The following ZNF587 variants were observed in gnomAD, a reference collection of about 807,000 sequenced individuals.
ZNF587 encodes the protein zinc finger protein zfp6.
In ZNF587, 8 loss-of-function variants were observed where a neutral mutation model predicts 7.5. The ratio of observed to expected loss-of-function variants is 1.06; its 90% CI spans 0.62 to 1.92. The LOEUF is 1.92. Among genes scored for constraint, ZNF587 ranks in the 40% most tolerant of loss-of-function variants. The pLI is 0.00. For missense variants in ZNF587, 468 were observed against 692.8 expected, an observed-to-expected ratio of 0.68 and a Z score of 3.64; for synonymous variants, 145 against 237.8, an observed-to-expected ratio of 0.61 and a Z score of 3.59.
chr19:57,850,705 A>G, intron 1 of ZNF587: 1 of 396,936 alleles, frequency 2.5e-6, no homozygotes, highest in Non-Finnish European at 4.4e-6. Context: ...TGGCCAGAGC[A>G]TTGGAGGCTT....
Position 57,862,972 on chromosome 19 carries a change from T to G in ZNF587, c.*2832T>G, listed in dbSNP as rs1188256166. On this transcript the variant is annotated 3_prime_UTR_variant, in exon 3 of 3. Transcript: ENST00000339656. The stretch of plus-strand genomic sequence containing the variant: ...ATTGAGTGGACACTTTGTGTTTTTT[T>G]TGAGAAGTCTCACTCTTTCACCCAG... The G allele has an allele frequency of 1.9e-5, 3 of 154,396 alleles. No individual in the cohort carries two copies. Among genetic ancestry groups the G allele is most frequent in the Admixed American group, 1.3e-4 (2 of 15,284 alleles). 9.6% of individuals were successfully genotyped at this position (154,396 alleles called of 1,614,324 possible).
At position 57,862,471 on chromosome 19, in the gene ZNF587, A is replaced by G. The variant is rs1252531155; in HGVS notation, c.*2331A>G. On this transcript the variant is annotated 3_prime_UTR_variant, in exon 3 of 3. Transcript: ENST00000339656. ...GTAACGTCATTCATCCACATTAACTAATTTCCTCACTCCAAGCTCTTTTCT... is the reference window on the plus strand; with the variant it reads ...GTAACGTCATTCATCCACATTAACTGATTTCCTCACTCCAAGCTCTTTTCT... 1.3e-5 allele frequency: 2 copies of G among 153,112 alleles called. No homozygotes were observed. Among genetic ancestry groups the G allele is most frequent in the Non-Finnish European group, 2.9e-5 (2 of 68,140 alleles). The allele number at this position is 153,112 out of a possible 1,614,324, so 9.5% of individuals were successfully genotyped here.
At chr19:57,857,703 C>T (rs1188129571) in intron 2 of ZNF587, among the ~76,000 whole-genome samples, 4 of 151,846 alleles carry the variant, frequency 2.6e-5, no homozygotes, top group East Asian at 1.9e-4. Context: ...GGTATGATCT[C>T]GGCTCAGTGT....
intron 1 of ZNF587, chr19:57,851,222 T>C (rs2071276748): frequency 6.6e-6 from 1 of 152,194 alleles, no homozygotes; most frequent in East Asian, 1.9e-4. Context: ...GTTCAGACTC[T>C]TGGAGCCAGA....
intron 1 of ZNF587, 178 bp from the exon 2 acceptor site, chr19:57,855,926 T>C: frequency 9.1e-7 from 1 of 1,095,518 alleles, no homozygotes; most frequent in East Asian, 2.5e-5. Flanking sequence ...ACCTACTTCT[T>C]GTTGCTGATG....
intron 1 of ZNF587, chr19:57,850,411 G>T: frequency 1.7e-6 from 1 of 572,400 alleles, no homozygotes; most frequent in Non-Finnish European, 3.1e-6. Context: ...GGCTTGGGAA[G>T]TGGGGAGTGC....
intron 1 of ZNF587, chr19:57,850,390 T>G (rs1462965082): frequency 2.9e-5 from 17 of 576,980 alleles, no homozygotes; most frequent in Non-Finnish European, 5.2e-5. Flanking sequence ...TTTCAAAATT[T>G]GGCGGGTAGG....
chr19:57,850,302 C>T (rs1464398317), intron 1 of ZNF587: 12 of 674,672 alleles, frequency 1.8e-5, no homozygotes, highest in Non-Finnish European at 2.0e-5. Context: ...TAGTAATTCA[C>T]GCAGAGCCGT....
At chr19:57,855,055 G>A (rs1320178002) in intron 1 of ZNF587, among the ~76,000 whole-genome samples, 7 of 151,888 alleles carry the variant, frequency 4.6e-5, no homozygotes, top group Non-Finnish European at 8.8e-5. Context: ...GTGGTGGTGG[G>A]CACCTGTAGT....
At position 57,863,151 on chromosome 19, in the gene ZNF587, C is replaced by G. The variant is rs897934056; in HGVS notation, c.*3011C>G. The stretch of plus-strand genomic sequence containing the variant: ...TTGTTTCTTGAGACAGAGTCTTGCT[C>G]TCTTGCCCAGGTTGGAGTGCCGTGT... On this transcript the variant is annotated 3_prime_UTR_variant, in exon 3 of 3. Transcript: ENST00000339656. The G allele has an allele frequency of 4.6e-5, 7 of 152,304 alleles. No homozygotes were observed. Among genetic ancestry groups the G allele is most frequent in the South Asian group, 2.1e-4 (1 of 4,832 alleles). The allele number at this position is 152,304 out of a possible 1,614,324, so 9.4% of individuals were successfully genotyped here. A position where few individuals can be genotyped will look rare whatever the true frequency, so the allele number is the denominator to read the frequency against.
At position 57,864,257 on chromosome 19, in the gene ZNF587, C is replaced by G. The variant is rs1250082863; in HGVS notation, c.*4117C>G. ...CAAGTGATTCTCTTGCCTCAGCCTC[C>G]CGAGTAGCTGGGCCTATAGGTTCCC... is the stretch of plus-strand genomic sequence containing the variant. On this transcript the variant is annotated 3_prime_UTR_variant, in exon 3 of 3. Coordinates refer to ENST00000339656, the MANE Select transcript of ZNF587 (RefSeq NM_032828.4). The G allele has an allele frequency of 6.6e-6, 1 of 150,710 alleles. No homozygotes were observed. Among genetic ancestry groups the G allele is most frequent in the Non-Finnish European group, 1.5e-5 (1 of 67,974 alleles). 9.3% of individuals were successfully genotyped at this position (150,710 alleles called of 1,614,324 possible). A position where few individuals can be genotyped will look rare whatever the true frequency, so the allele number is the denominator to read the frequency against.
At chr19:57,852,094 G>A (rs10425570) in intron 1 of ZNF587, 6 of 361,006 alleles carry the variant, frequency 1.7e-5, no homozygotes, top group South Asian at 1.5e-4. Context: ...TGGTCCTGAC[G>A]CCATCTACAG....
chr19:57,856,030 T>C, intron 1 of ZNF587, 74 bp from the exon 2 acceptor site: 2 of 1,585,572 alleles, frequency 1.3e-6, no homozygotes, highest in South Asian at 2.3e-5. Flanking sequence ...TGGGCAAGGG[T>C]GGGTGTGTGG....
intron 2 of ZNF587, 82 bp from the exon 3 acceptor site, chr19:57,858,494 A>G: frequency 6.6e-7 from 1 of 1,526,256 alleles, no homozygotes; most frequent in Non-Finnish European, 8.8e-7. Context: ...TTAATTCCTC[A>G]ATTTGTGAGA....
Position 57,860,821 on chromosome 19 carries a change from T to A in ZNF587, c.*681T>A, listed in dbSNP as rs757801322. On this transcript the variant is annotated 3_prime_UTR_variant, in exon 3 of 3. Coordinates refer to ENST00000339656, the MANE Select transcript of ZNF587 (RefSeq NM_032828.4). Reference sequence around the variant, plus strand: ...ATGTAGGTATGTTTCACTATGGTAATATGGTGGTGTGCAGTGCCTGAGTCA... The same window carrying A: ...ATGTAGGTATGTTTCACTATGGTAAAATGGTGGTGTGCAGTGCCTGAGTCA... 1.3e-5 allele frequency: 2 copies of A among 152,844 alleles called. No individual in the cohort carries two copies. Among genetic ancestry groups the A allele is most frequent in the Non-Finnish European group, 2.9e-5 (2 of 68,536 alleles). 9.5% of individuals were successfully genotyped at this position (152,844 alleles called of 1,614,324 possible).
At chr19:57,857,212 G>A (rs1474578815) in intron 2 of ZNF587, 1 of 151,928 alleles carries the variant, frequency 6.6e-6, no homozygotes. Context: ...TGTCCCTCAG[G>A]AGTGCCATGC....
chr19:57,860,086 G>C lies in ZNF587; in HGVS notation c.1674G>C (p.Gln558His). Residue 558 changes from glutamine (Q) to histidine (H), a missense_variant, in exon 3 of 3, where the codon CAG becomes CAC. This residue lies in a region of ZNF587 where 310 missense variants were observed against 325.6 expected (regional missense o/e 0.95). Coordinates refer to ENST00000339656, the MANE Select transcript of ZNF587 (RefSeq NM_032828.4). ...YECTKCGKTF[Q>H]RSSTLLHHQS... ...GCACCAAATGTGGAAAAACATTTCA[G>C]CGAAGCTCTACCCTCCTTCATCATC... The C allele has an allele frequency of 5.0e-6, 8 of 1,613,344 alleles. No individual in the cohort carries two copies. The highest frequency in any genetic ancestry group is 6.8e-6 in the Non-Finnish European group (8 of 1,179,424).
At chr19:57,858,499 G>T in intron 2 of ZNF587, 77 bp from the exon 3 acceptor site, 2 of 1,529,062 alleles carry the variant, frequency 1.3e-6, no homozygotes, top group Non-Finnish European at 8.8e-7. Flanking sequence ...TCCTCAATTT[G>T]TGAGACGTAC....
intron 2 of ZNF587, chr19:57,858,164 TGTC>T (rs1172465563): frequency 1.3e-5 from 2 of 156,682 alleles, no homozygotes; most frequent in Non-Finnish European, 2.8e-5. Flanking sequence ...CTCACTCTGT[TGTC>T]CAGGCTGGGG....
Sources: gnomAD v4.1 joint callset for allele counts (sites outside exome capture counted in the v4.1 genomes callset) on GRCh38, gnomAD v4.1.1 for gene constraint, gnomAD v4.1.1 regional missense constraint, MANE v1.5 for transcripts, NCBI Gene and HGNC (gene_info 2026-07-23, HGNC 2026-07-21) for gene names.